Variants in ZNF131 observed in about 807,000 individuals in gnomAD.
ZNF131 encodes zinc finger and BTB domain containing 35.
ZNF131 carries 7 observed loss-of-function variants against 60.0 expected under a neutral mutation model. The observed-to-expected ratio is 0.12, with a 90% CI of 0.07 to 0.22. The LOEUF (loss-of-function observed/expected upper bound fraction) is 0.22, where lower values mean the gene tolerates loss of function less well. ZNF131 is among the 10% of genes least tolerant of loss of function. The pLI is 1.00. For synonymous variants in ZNF131, 257 were observed against 253.2 expected, an observed-to-expected ratio of 1.01 and a Z score of -0.14; for missense variants, 493 against 740.9, an observed-to-expected ratio of 0.67 and a Z score of 3.88.
In ZNF131 at chr5:43,130,264, C is replaced by CA. The variant is rs570313526; in HGVS notation, c.226+6972dup. 2.2e-3 allele frequency among the ~76,000 whole-genome samples: 152 copies of CA among 68,330 alleles called. 3 individuals are homozygous for CA. The highest frequency in any genetic ancestry group is 0.012 in the East Asian group (19 of 1,564). 44.8% of individuals were successfully genotyped at this position (68,330 alleles called of 152,430 possible). The stretch of plus-strand genomic sequence containing the variant: ...GAGCGATAGAGTAAGACTCTGTCTC[C>CA]AAAAAAAAAAAAAAAAAAGAGGAAA... On this transcript the variant is annotated intron_variant, in intron 3 of 6. Transcript: ENST00000682664.
intron 4 of ZNF131, among the ~76,000 whole-genome samples, chr5:43,159,323 A>C (rs1749346938): frequency 6.6e-6 from 1 of 152,186 alleles, no homozygotes; most frequent in African/African-American, 2.4e-5. Context: ...GAAGAGACTC[A>C]AGGAGAATTG....
At chr5:43,145,069 ATTATGTGTTT>A (rs1396524833) in intron 4 of ZNF131, among the ~76,000 whole-genome samples, 1 of 151,716 alleles carries the variant, frequency 6.6e-6, no homozygotes, top group Non-Finnish European at 1.5e-5. Flanking sequence ...TGAGGCAGGG[ATTATGTGTTT>A]TTTTCATCTT....
chr5:43,124,449 AAAC>A (rs1744257152), intron 3 of ZNF131: 1 of 152,212 alleles, frequency 6.6e-6, no homozygotes, highest in African/African-American at 2.4e-5. Flanking sequence ...GGAGTAAAGA[AAAC>A]AAAAAAGAGT....
chr5:43,162,445 A>C (rs971121008), intron 5 of ZNF131, among the ~76,000 whole-genome samples: 10 of 151,588 alleles, frequency 6.6e-5, no homozygotes, highest in Admixed American at 4.6e-4. Flanking sequence ...TACAAAAATT[A>C]GCCAGGCGTG....
intron 4 of ZNF131, among the ~76,000 whole-genome samples, chr5:43,154,355 T>C (rs908187174): frequency 5.9e-5 from 9 of 151,530 alleles, no homozygotes; most frequent in Admixed American, 5.9e-4. Context: ...TGGAGGTTGC[T>C]GTGAGCTGAG....
chr5:43,122,601 A>C (rs1744008707), intron 2 of ZNF131, among the ~76,000 whole-genome samples: 1 of 152,166 alleles, frequency 6.6e-6, no homozygotes, highest in Non-Finnish European at 1.5e-5. Flanking sequence ...ATTCCATTGC[A>C]GCACTCATAC....
At chr5:43,148,935 C>T (rs1269469001) in intron 4 of ZNF131, among the ~76,000 whole-genome samples, 1 of 152,172 alleles carries the variant, frequency 6.6e-6, no homozygotes, top group Admixed American at 6.5e-5. Flanking sequence ...ATTTTATGTG[C>T]ATGTAATAGT....
At chr5:43,154,781 T>G (rs1748758751) in intron 4 of ZNF131, among the ~76,000 whole-genome samples, 1 of 152,166 alleles carries the variant, frequency 6.6e-6, no homozygotes, top group South Asian at 2.1e-4. Flanking sequence ...GTCCCTTATC[T>G]TGCACATCTG....
intron 6 of ZNF131, 40 bp from the exon 7 acceptor site, chr5:43,174,407 G>T: frequency 6.8e-7 from 1 of 1,467,670 alleles, no homozygotes; most frequent in South Asian, 1.4e-5. Flanking sequence ...CTTCAGTTTG[G>T]ATATAAGTAT....
intron 3 of ZNF131, chr5:43,124,096 TCTTTTCTTTTC>T (rs1327985506): frequency 2.2e-5 from 3 of 134,278 alleles, no homozygotes; most frequent in Non-Finnish European, 5.2e-5. Context: ...TCTTTTCTTT[TCTTTTCTTTTC>T]TTTTCAAAAA....
At chr5:43,160,677 A>ATTTTTTTTTTT (rs1749569232) in intron 4 of ZNF131, among the ~76,000 whole-genome samples, 3 of 121,086 alleles carry the variant, frequency 2.5e-5, no homozygotes, top group East Asian at 2.9e-4. Flanking sequence ...TTAGCTTGGA[A>ATTTTTTTTTTT]CTTTTTTTTT....
Position 43,122,062 on chromosome 5 carries a change from T to C in ZNF131, c.9T>C (p.Ala3=), listed in dbSNP as rs779507395. ME[A]EETMECLQEF... is the part of the protein sequence containing the mutation. ...AGAGCAGCCCGACGGCCATGGAGGC[T>C]GAAGAGACGATGGAATGCCTTCAGG... Residue 3 remains alanine (A), a synonymous_variant, in exon 2 of 7, where the codon GCT becomes GCC. Transcript: ENST00000682664. 25 of 1,613,952 alleles carry C rather than the reference T, an allele frequency of 1.5e-5. No homozygotes were observed. In the South Asian group the frequency reaches 2.5e-4, roughly 16 times the overall value.
intron 4 of ZNF131, among the ~76,000 whole-genome samples, chr5:43,152,098 G>C (rs533158652): frequency 1.9e-4 from 29 of 151,894 alleles, no homozygotes; most frequent in Middle Eastern, 3.2e-3. Context: ...TACCTCCCAG[G>C]TTCAAGTGAT....
intron 3 of ZNF131, among the ~76,000 whole-genome samples, chr5:43,130,069 C>G (rs946871976): frequency 6.6e-6 from 1 of 151,218 alleles, no homozygotes; most frequent in Non-Finnish European, 1.5e-5. Context: ...AGTTCGAGAC[C>G]AGCCTGGGCA....
chr5:43,161,392 T>G lies in ZNF131; in HGVS notation c.515T>G (p.Ile172Ser). Residue 172 changes from isoleucine to serine, a missense_variant, in exon 5 of 7, where the codon ATT becomes AGT. Coordinates refer to ENST00000682664, the MANE Select transcript of ZNF131 (RefSeq NM_001330707.2). ...GAACCTGTTGAAATTGAGGTAGAGA[T>G]TGCCGAAGGCACCATTGAAGTGGAA... The part of the protein sequence containing the change: ...ESEPVEIEVE[I>S]AEGTIEVEDE... The G allele has an allele frequency of 6.2e-7, 1 of 1,614,234 alleles. No homozygotes were observed. Among genetic ancestry groups the G allele is most frequent in the Non-Finnish European group, 8.5e-7 (1 of 1,180,044 alleles).
intron 3 of ZNF131, among the ~76,000 whole-genome samples, chr5:43,136,932 T>C (rs1452128324): frequency 6.6e-6 from 1 of 152,136 alleles, no homozygotes; most frequent in Non-Finnish European, 1.5e-5. Context: ...TCAACTGATC[T>C]TCAGGGATGC....
intron 5 of ZNF131, chr5:43,168,063 C>G (rs774321429): frequency 7.4e-6 from 3 of 404,842 alleles, no homozygotes; most frequent in Non-Finnish European, 1.5e-5. Context: ...TCAGGTTTCT[C>G]TTACTCTTCT....
chr5:43,121,340 C>G (rs537662838), intron 1 of ZNF131, among the ~76,000 whole-genome samples: 110 of 152,318 alleles, frequency 7.2e-4, no homozygotes, highest in African/African-American at 2.6e-3. Context: ...TGCAGTAGCC[C>G]AAGCCCACCG....
At chr5:43,153,019 C>T (rs1031081522) in intron 4 of ZNF131, among the ~76,000 whole-genome samples, 1 of 152,154 alleles carries the variant, frequency 6.6e-6, no homozygotes, top group Non-Finnish European at 1.5e-5. Context: ...CCAGTCATCC[C>T]CTCCTCTTAT....
Sources: gnomAD v4.1 joint callset for allele counts (sites outside exome capture counted in the v4.1 genomes callset) on GRCh38, gnomAD v4.1.1 for gene constraint, MANE v1.5 for transcripts, NCBI Gene and HGNC (gene_info 2026-07-23, HGNC 2026-07-21) for gene names.